The following PCDHGA1 variants were observed in gnomAD, a reference collection of about 807,000 sequenced individuals.
PCDHGA1 encodes the protein protocadherin gamma-A1.
Under a neutral mutation model 58.0 loss-of-function variants are expected in PCDHGA1, and 32 were observed. The observed-to-expected ratio is 0.55, with a 90% CI of 0.42 to 0.74. The LOEUF (loss-of-function observed/expected upper bound fraction) is 0.74. Ranked by LOEUF, PCDHGA1 falls within the 30% of genes least tolerant of loss-of-function variation. The pLI is 0.00. For synonymous variants in PCDHGA1, 498 were observed against 501.1 expected, an observed-to-expected ratio of 0.99 and a Z score of 0.08; for missense variants, 1,205 against 1,182.3, an observed-to-expected ratio of 1.02 and a Z score of -0.28.
chr5:141,456,043 G>A (rs62379189), intron 1 of PCDHGA1, among the ~76,000 whole-genome samples: 6,917 of 151,746 alleles, frequency 0.046, 202 homozygotes, highest in Middle Eastern at 0.086. Flanking sequence ...GACTACAGGC[G>A]CCCACCACCA....
chr5:141,433,358 C>CGTAT, intron 1 of PCDHGA1: 1 of 503,368 alleles, frequency 2.0e-6, no homozygotes, highest in Non-Finnish European at 3.5e-6. Context: ...CTACTGTCTG[C>CGTAT]CTATCTATCT....
rs1426384785 is a variant in PCDHGA1 at position 141,331,765 on chromosome 5, C to T, written c.1081C>T (p.Pro361Ser). ...SVTTAVPENF[P>S]PGTIIALISV... ...CACCACTGCAGTTCCAGAAAACTTT[C>T]CTCCTGGGACCATAATTGCTCTTAT... The change falls in exon 1 of 4, where the codon CCT (proline) becomes TCT (serine). Residue 361 changes from proline to serine, a missense_variant. By Grantham distance (74) the Pro-to-Ser change is moderately conservative. Coordinates refer to ENST00000517417, the MANE Select transcript of PCDHGA1 (RefSeq NM_018912.3). The T allele has an allele frequency of 1.2e-6, 2 of 1,614,172 alleles. No individual in the cohort carries two copies. Among genetic ancestry groups the T allele is most frequent in the Non-Finnish European group, 1.7e-6 (2 of 1,180,034 alleles).
chr5:141,348,522 G>T lies in PCDHGA1; in HGVS notation c.2421+15417G>T, dbSNP rs1376139364. On this transcript the variant is annotated intron_variant, in intron 1 of 3. Coordinates refer to ENST00000517417, the MANE Select transcript of PCDHGA1 (RefSeq NM_018912.3). ...TAATTAGCTGTGTCAGGGGAAATTT[G>T]GATGCTCAAAGATAATTTCTAAGAA... Among the ~76,000 whole-genome samples, 3 of 152,212 alleles carry T rather than the reference G, an allele frequency of 2.0e-5. 1 individual carries two copies. The highest frequency in any genetic ancestry group is 7.2e-5 in the African/African-American group (3 of 41,530).
At chr5:141,413,597 A>C in intron 1 of PCDHGA1, 2 of 1,613,888 alleles carry the variant, frequency 1.2e-6, no homozygotes, top group Non-Finnish European at 8.5e-7. Context: ...CAAGCAGAAA[A>C]TCTAGACGTA....
chr5:141,477,175 A>T lies in PCDHGA1; in HGVS notation c.2422-17632A>T, dbSNP rs1338347224. On this transcript the variant is annotated intron_variant, in intron 1 of 3. Transcript: ENST00000517417. This position sits in a 1 kb window ranked among gnomAD's most constrained non-coding sequence, Gnocchi z 4.9. ...TGAATGACAACGCCCCGGAGATCAC[A>T]GTCACCTCCGTGTACAGCCCAGTAC... is the stretch of plus-strand genomic sequence containing the variant. The T allele has an allele frequency of 1.2e-6, 2 of 1,614,186 alleles. No individual in the cohort carries two copies. The highest frequency in any genetic ancestry group is 3.3e-5 in the Admixed American group (2 of 60,028).
intron 1 of PCDHGA1, chr5:141,351,691 G>A: frequency 6.2e-7 from 1 of 1,613,980 alleles, no homozygotes; most frequent in African/African-American, 1.3e-5. Flanking sequence ...ACCCGGATTT[G>A]GGACCCAACG....
chr5:141,374,826 G>A (rs768485677), intron 1 of PCDHGA1: 141 of 1,613,770 alleles, frequency 8.7e-5, no homozygotes, highest in Non-Finnish European at 1.1e-4. Context: ...CCTGTCTACC[G>A]TGTAAGTGTT....
In PCDHGA1 at chr5:141,476,853, A is replaced by G; in HGVS notation, c.2422-17954A>G. ...AATGACAATGCGCCTGTCTTCAACCAGTCCTTGTACCGGGCGCGCGTCCTG... is the reference window on the plus strand; with the variant it reads ...AATGACAATGCGCCTGTCTTCAACCGGTCCTTGTACCGGGCGCGCGTCCTG... On this transcript the variant is annotated intron_variant, in intron 1 of 3. Coordinates refer to ENST00000517417, the MANE Select transcript of PCDHGA1 (RefSeq NM_018912.3). This position sits in a 1 kb window ranked among gnomAD's most constrained non-coding sequence, Gnocchi z 7.6. The G allele has an allele frequency of 6.2e-7, 1 of 1,613,870 alleles. No individual in the cohort carries two copies. Among genetic ancestry groups the G allele is most frequent in the Non-Finnish European group, 8.5e-7 (1 of 1,180,042 alleles).
At chr5:141,398,993 G>A (rs1438560245) in intron 1 of PCDHGA1, 2 of 1,613,944 alleles carry the variant, frequency 1.2e-6, no homozygotes, top group Admixed American at 1.7e-5. Flanking sequence ...CAAATCTTTA[G>A]TCTGAATTCA....
chr5:141,361,937 A>C (rs1168023930), intron 1 of PCDHGA1: 1 of 1,605,822 alleles, frequency 6.2e-7, no homozygotes, highest in Admixed American at 1.7e-5. Flanking sequence ...TCAGGACACA[A>C]CGCTTGGCTG....
At chr5:141,509,153 C>G (rs2099875485) in intron 3 of PCDHGA1, among the ~76,000 whole-genome samples, 2 of 152,190 alleles carry the variant, frequency 1.3e-5, no homozygotes, top group Non-Finnish European at 2.9e-5. Context: ...CGGCTCTCCC[C>G]TCCCGTGTGC....
chr5:141,358,441 C>T (rs1357089273), intron 1 of PCDHGA1, among the ~76,000 whole-genome samples: 5 of 152,054 alleles, frequency 3.3e-5, no homozygotes, highest in African/African-American at 4.8e-5. Context: ...TAACAGGCAA[C>T]GTCAATTTAA....
intron 1 of PCDHGA1, chr5:141,415,889 T>C: frequency 2.1e-6 from 2 of 942,152 alleles, no homozygotes; most frequent in Non-Finnish European, 2.9e-6. Context: ...TATTGACAAT[T>C]CCTAAGACAG....
At chr5:141,420,494 C>T (rs978136090) in intron 1 of PCDHGA1, 6 of 499,392 alleles carry the variant, frequency 1.2e-5, no homozygotes, top group African/African-American at 2.0e-5. Flanking sequence ...GGGTAATCTC[C>T]GGTGACATTT....
In PCDHGA1 at chr5:141,511,307, G is replaced by A. The variant is rs919320754; in HGVS notation, c.*134G>A. On this transcript the variant is annotated 3_prime_UTR_variant, in exon 4 of 4. Coordinates refer to ENST00000517417, the MANE Select transcript of PCDHGA1 (RefSeq NM_018912.3). ...TAGGGGCCAAGGCCATGCTCCCCTT[G>A]GGAAACAGAAACAAGTGCCCAGTCA... 8 of 1,488,416 alleles carry A rather than the reference G, an allele frequency of 5.4e-6. No individual in the cohort carries two copies. Among genetic ancestry groups the A allele is most frequent in the Non-Finnish European group, 5.4e-6 (6 of 1,115,202 alleles). The allele number at this position is 1,488,416 out of a possible 1,614,324, so 92.2% of individuals were successfully genotyped here. A position where few individuals can be genotyped will look rare whatever the true frequency, so the allele number is the denominator to read the frequency against.
chr5:141,444,997 A>G (rs2154560871), intron 1 of PCDHGA1, among the ~76,000 whole-genome samples: 1 of 152,292 alleles, frequency 6.6e-6, no homozygotes, highest in Admixed American at 6.5e-5. Context: ...ATATATTTCC[A>G]TTTAATTAGG....
intron 1 of PCDHGA1, among the ~76,000 whole-genome samples, chr5:141,368,118 A>C (rs896059920): frequency 6.6e-6 from 1 of 152,226 alleles, no homozygotes; most frequent in Non-Finnish European, 1.5e-5. Context: ...TCTTATTAAA[A>C]TATTCTTAAT....
At chr5:141,414,266 C>T in intron 1 of PCDHGA1, 1 of 1,613,254 alleles carries the variant, frequency 6.2e-7, no homozygotes, top group Non-Finnish European at 8.5e-7. Context: ...ACTGAAGATT[C>T]ACCTCTGGGA....
intron 1 of PCDHGA1, among the ~76,000 whole-genome samples, chr5:141,373,452 G>A (rs1032272285): frequency 6.6e-6 from 1 of 152,218 alleles, no homozygotes; most frequent in South Asian, 2.1e-4. Context: ...GATCCCAGGA[G>A]GTAGCAGCTG....
Sources: allele counts gnomAD v4.1 joint callset (sites outside exome capture counted in the v4.1 genomes callset), GRCh38; gene constraint gnomAD v4.1.1; non-coding constraint Gnocchi (gnomAD v3.1); transcripts MANE v1.5; gene names NCBI Gene and HGNC (gene_info 2026-07-23, HGNC 2026-07-21).